MBOAT1: variants seen among roughly 807,000 people sequenced by gnomAD.
MBOAT1 encodes the protein membrane bound glycerophospholipid O-acyltransferase 1, also known as membrane-bound glycerophospholipid O-acyltransferase 1.
Under a neutral mutation model 64.4 loss-of-function variants are expected in MBOAT1, and 67 were observed. The observed-to-expected ratio is 1.04, with a 90% CI of 0.85 to 1.27. MBOAT1 has a LOEUF of 1.27. Ranked by LOEUF, MBOAT1 falls within the 50% of genes most tolerant of loss-of-function variation. The probability of loss-of-function intolerance (pLI) is 0.00; values close to 1 mark genes in which losing one functional copy is unlikely to be tolerated. For missense variants in MBOAT1, 563 were observed against 604.6 expected (o/e 0.93, Z 0.72); for synonymous variants, 229 against 218.9 (o/e 1.05, Z -0.41).
At position 20,147,784 on chromosome 6, in the gene MBOAT1, AGT is replaced by A. The variant is rs1761370139; in HGVS notation, c.323+3399_323+3400del. Among the ~76,000 whole-genome samples the A allele has an allele frequency of 2.0e-5, 3 of 152,322 alleles. No individual in the cohort carries two copies. In the South Asian group the frequency reaches 6.2e-4, roughly 32 times the overall value. On this transcript the variant is annotated intron_variant, in intron 3 of 12. Coordinates refer to ENST00000324607, the MANE Select transcript of MBOAT1 (RefSeq NM_001080480.3). ...AGAAAGAAAAAAAACTATATTCCAT[AGT>A]GTTGTCCTAGAGTTAATATATTTGA...
chr6:20,175,634 T>C lies in MBOAT1; in HGVS notation c.100-22865A>G, dbSNP rs185235332. On this transcript the variant is annotated intron_variant, in intron 1 of 12. Coordinates refer to ENST00000324607, the MANE Select transcript of MBOAT1 (RefSeq NM_001080480.3). ...GCTATTTTTTGTTCTTTCTTTCTTT[T>C]TTTTTTTTTTGTATTTTAGTAGAGA... 8.1e-3 allele frequency among the ~76,000 whole-genome samples: 1,221 copies of C among 151,372 alleles called. 14 individuals carry two copies. Among genetic ancestry groups the C allele is most frequent in the African/African-American group, 0.027 (1,127 of 41,376 alleles).
At position 20,118,412 on chromosome 6, in the gene MBOAT1, G is replaced by A. The variant is rs141254274; in HGVS notation, c.1011+25C>T. On this transcript the variant is annotated intron_variant, in intron 9 of 12. Transcript: ENST00000324607. ...ATCATTTGCTTTCTTCACTATGGAA[G>A]TTGGACTTAAAAGCATACACTCACC... 2.7e-4 allele frequency: 425 copies of A among 1,559,174 alleles called. 1 individual carries two copies. In the East Asian group the frequency reaches 9.1e-3, roughly 33 times the overall value.
chr6:20,203,800 T>TAAA (rs59442669), intron 1 of MBOAT1, among the ~76,000 whole-genome samples: 1 of 139,702 alleles, frequency 7.2e-6, no homozygotes, highest in Admixed American at 7.2e-5. Context: ...TGGGCCCGTT[T>TAAA]AAAAAAAAAA....
chr6:20,189,031 A>G (rs536567772), intron 1 of MBOAT1, among the ~76,000 whole-genome samples: 1 of 152,260 alleles, frequency 6.6e-6, no homozygotes, highest in South Asian at 2.1e-4. Context: ...TCCAACTAAG[A>G]AAGATCACAC....
chr6:20,183,512 A>T (rs1445226388), intron 1 of MBOAT1, among the ~76,000 whole-genome samples: 1 of 152,240 alleles, frequency 6.6e-6, no homozygotes, highest in Non-Finnish European at 1.5e-5. Context: ...AGCAATGGCT[A>T]TCCAACATCA....
intron 12 of MBOAT1, among the ~76,000 whole-genome samples, chr6:20,105,178 T>C (rs1409196947): frequency 6.6e-6 from 1 of 152,240 alleles, no homozygotes; most frequent in African/African-American, 2.4e-5. Flanking sequence ...TACTTTGTTC[T>C]TGAGCTTTGC....
Position 20,118,514 on chromosome 6 carries a change from A to G in MBOAT1, c.934T>C (p.Phe312Leu). The G allele has an allele frequency of 6.2e-7, 1 of 1,614,020 alleles. No individual in the cohort carries two copies. The highest frequency in any genetic ancestry group is 8.5e-7 in the Non-Finnish European group (1 of 1,180,020). ...LADAVNNAAGFGFSGVDKNGN... is the reference protein window; with the variant it reads ...LADAVNNAAGLGFSGVDKNGN... Reference sequence around the variant, plus strand: ...TTCTTATCCACTCCGCTGAACCCAAAGCCAGCTGCGTTATTCACTGCATCA... The same window carrying G: ...TTCTTATCCACTCCGCTGAACCCAAGGCCAGCTGCGTTATTCACTGCATCA... Residue 312 changes from phenylalanine (F) to leucine (L), a missense_variant, in exon 9 of 13, where the codon TTT (phenylalanine) becomes CTT (leucine). Phe to Leu is a conservative substitution (Grantham distance 22). Coordinates refer to ENST00000324607, the MANE Select transcript of MBOAT1 (RefSeq NM_001080480.3).
intron 3 of MBOAT1, among the ~76,000 whole-genome samples, chr6:20,147,399 G>A (rs1314731087): frequency 6.6e-6 from 1 of 152,234 alleles, no homozygotes; most frequent in Non-Finnish European, 1.5e-5. Flanking sequence ...CAGCACTTTG[G>A]GAGGCCAAGG....
chr6:20,142,096 A>G (rs1043290919), intron 4 of MBOAT1, among the ~76,000 whole-genome samples: 2 of 152,170 alleles, frequency 1.3e-5, no homozygotes, highest in Non-Finnish European at 2.9e-5. Flanking sequence ...AAGAAGATAT[A>G]TACAGGCAAT....
At chr6:20,111,804 TCATATATATA>T (rs1324458804) in intron 11 of MBOAT1, among the ~76,000 whole-genome samples, 3 of 51,002 alleles carry the variant, frequency 5.9e-5, no homozygotes, top group African/African-American at 6.7e-5. Context: ...TCCACTTTGT[TCATATATATA>T]CATATATATA....
At chr6:20,208,088 A>C (rs889353518) in intron 1 of MBOAT1, among the ~76,000 whole-genome samples, 2 of 152,180 alleles carry the variant, frequency 1.3e-5, no homozygotes, top group Non-Finnish European at 2.9e-5. Context: ...AAGAGAACTG[A>C]AGGTTGGGCT....
At chr6:20,195,548 G>A (rs1022453247) in intron 1 of MBOAT1, among the ~76,000 whole-genome samples, 1 of 151,982 alleles carries the variant, frequency 6.6e-6, no homozygotes, top group African/African-American at 2.4e-5. Context: ...AAGTGTACTC[G>A]TTGCTAATGG....
intron 1 of MBOAT1, among the ~76,000 whole-genome samples, chr6:20,172,625 G>A (rs1249034898): frequency 6.6e-6 from 1 of 151,792 alleles, no homozygotes; most frequent in East Asian, 1.9e-4. Flanking sequence ...CTGTTTTTGT[G>A]TGCTTAAGGT....
intron 11 of MBOAT1, 152 bp from the exon 12 acceptor site, chr6:20,109,901 A>ATTTTTTTTTTTTTTTTTTTTTTTTTT (rs756853889): frequency 1.3e-5 from 4 of 296,680 alleles, no homozygotes; most frequent in Admixed American, 5.7e-5. Context: ...TACCATCAGG[A>ATTTTTTTTTTTTTTTTTTTTTTTTTT]CTTTTTTTTT....
chr6:20,161,232 G>T (rs528275512), intron 1 of MBOAT1, among the ~76,000 whole-genome samples: 1 of 151,826 alleles, frequency 6.6e-6, no homozygotes, highest in Non-Finnish European at 1.5e-5. Flanking sequence ...TATAAGAATC[G>T]AATGCCTTAC....
intron 12 of MBOAT1, 32 bp from the exon 13 acceptor site, chr6:20,102,444 C>A: frequency 1.3e-6 from 2 of 1,557,600 alleles, no homozygotes; most frequent in South Asian, 1.1e-5. Context: ...AATTATATTT[C>A]AAATAAGGAT....
chr6:20,126,833 CAA>C (rs1158469221), intron 6 of MBOAT1, 133 bp from the exon 7 acceptor site: 7 of 716,914 alleles, frequency 9.8e-6, no homozygotes, highest in African/African-American at 9.2e-5. Context: ...TTTGTTTCTA[CAA>C]AGTCAGCCGA....
At chr6:20,116,532 G>A (rs1171434174) in intron 9 of MBOAT1, among the ~76,000 whole-genome samples, 1 of 152,002 alleles carries the variant, frequency 6.6e-6, no homozygotes, top group African/African-American at 2.4e-5. Flanking sequence ...GAGAAAAGTG[G>A]GAGGAAGGAA....
chr6:20,164,619 TG>T (rs1436114048), intron 1 of MBOAT1, among the ~76,000 whole-genome samples: 1 of 127,626 alleles, frequency 7.8e-6, no homozygotes, highest in South Asian at 3.0e-4. Context: ...TGTGGGAGGT[TG>T]GGGGATAAGG....
Sources: allele counts gnomAD v4.1 joint callset (sites outside exome capture counted in the v4.1 genomes callset), GRCh38; gene constraint gnomAD v4.1.1; transcripts MANE v1.5; gene names NCBI Gene and HGNC (gene_info 2026-07-23, HGNC 2026-07-21).